Variants in CLNS1A observed in about 807,000 individuals in gnomAD.
The protein encoded by CLNS1A is methylosome subunit pICln.
Under a neutral mutation model 29.4 loss-of-function variants are expected in CLNS1A, and 16 were observed. The ratio of observed to expected loss-of-function variants is 0.54; its 90% CI spans 0.37 to 0.83. The LOEUF (loss-of-function observed/expected upper bound fraction) is 0.83, where lower values mean the gene tolerates loss of function less well. Ranked by LOEUF, CLNS1A falls within the 40% of genes least tolerant of loss-of-function variation. The pLI is 0.00. For missense variants in CLNS1A, 235 were observed against 287.4 expected (o/e 0.82, Z 1.32); for synonymous variants, 96 against 104.8 (o/e 0.92, Z 0.51).
chr11:77,629,496 C>G lies in CLNS1A; in HGVS notation c.262+267G>C, dbSNP rs866413836. ...ACAAGCTCCACCTCCCAGGTTCACA[C>G]CATTCTCCTGCCTCAGTCTCCTGAG... is the stretch of plus-strand genomic sequence containing the variant. On this transcript the variant is annotated intron_variant, in intron 2 of 6. Coordinates refer to ENST00000525428, the MANE Select transcript of CLNS1A (RefSeq NM_001293.3). Among the ~76,000 whole-genome samples the G allele has an allele frequency of 2.0e-5, 3 of 151,904 alleles. No individual in the cohort carries two copies. The South Asian group carries it at 6.2e-4, about 31-fold the overall frequency.
chr11:77,627,520 G>A (rs1245159379), intron 2 of CLNS1A, among the ~76,000 whole-genome samples: 2 of 151,120 alleles, frequency 1.3e-5, no homozygotes, highest in Non-Finnish European at 2.9e-5. Flanking sequence ...TAGTAAGATA[G>A]GAAATCCTGC....
chr11:77,633,084 CAAAAAAAAAAAA>C (rs887085397), intron 1 of CLNS1A, among the ~76,000 whole-genome samples: 55 of 55,592 alleles, frequency 9.9e-4, no homozygotes, highest in Admixed American at 3.9e-3. Context: ...GACTCCATCT[CAAAAAAAAAAAA>C]AAAAAAAAAG....
intron 1 of CLNS1A, among the ~76,000 whole-genome samples, chr11:77,637,245 A>AAAAAAAG (rs982111989): frequency 6.9e-6 from 1 of 144,190 alleles, no homozygotes; most frequent in Non-Finnish European, 1.5e-5. Flanking sequence ...AGGCGAGTTA[A>AAAAAAAG]AAAAAAAAAA....
rs773449647 is a variant in CLNS1A at position 77,624,971 on chromosome 11, T to C, written c.464A>G (p.Glu155Gly). ...DDYDGEEYDV[E>G]AHEQGQGDIP... ...AAATCCATTTCACTAACCATGTGCT[T>C]CCACATCATATTCTTCTCCATCGTA... Residue 155 changes from glutamate (E) to glycine (G), a missense_variant, in exon 4 of 7, where the codon GAA becomes GGA. Physicochemically the swap from Glu to Gly is moderately conservative, Grantham distance 98. Coordinates refer to ENST00000525428, the MANE Select transcript of CLNS1A (RefSeq NM_001293.3). 11 of 1,605,010 alleles carry C rather than the reference T, an allele frequency of 6.9e-6. No individual in the cohort carries two copies. Among genetic ancestry groups the C allele is most frequent in the Non-Finnish European group, 9.4e-6 (11 of 1,174,398 alleles).
intron 3 of CLNS1A, 31 bp downstream of exon 3, chr11:77,625,686 A>T (rs374741623): frequency 2.1e-5 from 34 of 1,583,788 alleles, no homozygotes; most frequent in Non-Finnish European, 2.7e-5. Flanking sequence ...GGTATGTAAA[A>T]GGGGAAGAAT....
intron 2 of CLNS1A, among the ~76,000 whole-genome samples, chr11:77,629,533 A>G (rs1351387238): frequency 4.0e-5 from 6 of 151,742 alleles, no homozygotes; most frequent in Non-Finnish European, 8.8e-5. Flanking sequence ...AGCTGGGACT[A>G]CAGGCGCCCA....
At chr11:77,622,885 T>A (rs545889844) in intron 4 of CLNS1A, among the ~76,000 whole-genome samples, 505 of 150,728 alleles carry the variant, frequency 3.4e-3, no homozygotes, top group African/African-American at 0.012. Context: ...GAGGTGGAGG[T>A]TGCAGTGAAC....
intron 6 of CLNS1A, chr11:77,618,475 C>A: frequency 6.6e-6 from 1 of 151,910 alleles, no homozygotes; most frequent in South Asian, 2.1e-4. Flanking sequence ...CTACCACTGA[C>A]AAAAGTAAAT....
At chr11:77,627,525 T>C (rs539839921) in intron 2 of CLNS1A, among the ~76,000 whole-genome samples, 46 of 151,164 alleles carry the variant, frequency 3.0e-4, no homozygotes, top group Admixed American at 8.6e-4. Context: ...AGATAGGAAA[T>C]CCTGCATATC....
At chr11:77,618,113 C>T (rs1231948301) in intron 6 of CLNS1A, among the ~76,000 whole-genome samples, 4 of 152,074 alleles carry the variant, frequency 2.6e-5, no homozygotes, top group Non-Finnish European at 5.9e-5. Context: ...TAGTGACATA[C>T]CAAATGAGTT....
chr11:77,637,751 T>C lies in CLNS1A; in HGVS notation c.-37A>G, dbSNP rs1162032076. On this transcript the variant is annotated 5_prime_UTR_variant, in exon 1 of 7. Coordinates refer to ENST00000525428, the MANE Select transcript of CLNS1A (RefSeq NM_001293.3). ...GCGGCAACACAGGCCCTGAGGGAGT[T>C]GGAGCACAGCAATGCGTGCACCACA... 7 of 1,543,280 alleles carry C rather than the reference T, an allele frequency of 4.5e-6. No individual in the cohort carries two copies. The highest frequency in any genetic ancestry group is 3.6e-5 in the South Asian group (3 of 82,864).
intron 4 of CLNS1A, among the ~76,000 whole-genome samples, chr11:77,623,038 C>T (rs66488360): frequency 6.6e-6 from 1 of 151,212 alleles, no homozygotes; most frequent in South Asian, 2.1e-4. Context: ...TATTTATACA[C>T]ACATATAGGC....
Position 77,637,589 on chromosome 11 carries a change from C to T in CLNS1A, c.125+1G>A, listed in dbSNP as rs1316288644. 1.2e-6 allele frequency: 2 copies of T among 1,602,046 alleles called. No individual in the cohort carries two copies. Among genetic ancestry groups the T allele is most frequent in the East Asian group, 2.3e-5 (1 of 44,274 alleles). The stretch of plus-strand genomic sequence containing the variant: ...CCAGCGCTGGGGACCAGGAACCCTA[C>T]CTCTCAGCGATGTAAAGGGTACCAG... On this transcript the variant is annotated splice_donor_variant, in intron 1 of 6. Coordinates refer to ENST00000525428, the MANE Select transcript of CLNS1A (RefSeq NM_001293.3). LOFTEE classifies it high-confidence loss of function.
At chr11:77,629,063 C>G (rs949922133) in intron 2 of CLNS1A, among the ~76,000 whole-genome samples, 3 of 152,028 alleles carry the variant, frequency 2.0e-5, no homozygotes, top group African/African-American at 7.2e-5. Flanking sequence ...CCCCTACAAC[C>G]ACTGAGACCC....
chr11:77,628,432 ACACCC>A (rs1959042858), intron 2 of CLNS1A, among the ~76,000 whole-genome samples: 2 of 152,226 alleles, frequency 1.3e-5, no homozygotes, highest in Non-Finnish European at 2.9e-5. Flanking sequence ...CTACACTACT[ACACCC>A]CAAGGTTAAC....
At chr11:77,631,019 A>G (rs764736333) in intron 1 of CLNS1A, among the ~76,000 whole-genome samples, 5 of 152,234 alleles carry the variant, frequency 3.3e-5, no homozygotes, top group African/African-American at 7.2e-5. Context: ...CCCCTGTATC[A>G]TTCTATATTC....
At chr11:77,632,877 C>T (rs1036195254) in intron 1 of CLNS1A, among the ~76,000 whole-genome samples, 1 of 151,916 alleles carries the variant, frequency 6.6e-6, no homozygotes, top group African/African-American at 2.4e-5. Context: ...CACCTGAGGT[C>T]AGGAGTTCCA....
intron 3 of CLNS1A, 136 bp from the exon 4 acceptor site, chr11:77,625,206 G>A (rs549420048): frequency 3.5e-5 from 22 of 626,948 alleles, no homozygotes; most frequent in African/African-American, 1.7e-4. Context: ...TCTTGAAAGC[G>A]GTTGAAGCAA....
intron 5 of CLNS1A, among the ~76,000 whole-genome samples, chr11:77,621,506 C>T (rs1437368107): frequency 2.6e-5 from 4 of 152,006 alleles, no homozygotes; most frequent in Middle Eastern, 3.4e-3. Context: ...TAGCTGGGAG[C>T]GGTGGCAGGC....
Sources: gnomAD v4.1 joint callset for allele counts (sites outside exome capture counted in the v4.1 genomes callset) on GRCh38, gnomAD v4.1.1 for gene constraint, MANE v1.5 for transcripts, NCBI Gene and HGNC (gene_info 2026-07-23, HGNC 2026-07-21) for gene names.